Variants in NOC2L observed in about 807,000 individuals in gnomAD.
NOC2L encodes the protein NOC2 like nucleolar associated transcriptional repressor.
A neutral mutation model predicts 94.2 loss-of-function variants in NOC2L; 101 were observed. The observed-to-expected ratio is 1.07, with a 90% CI of 0.91 to 1.26. NOC2L has a LOEUF of 1.26. Among genes scored for constraint, NOC2L ranks in the 50% most tolerant of loss-of-function variants. NOC2L has a pLI of 0.00. For synonymous variants in NOC2L, 531 were observed against 413.4 expected (o/e 1.28, Z -3.45); for missense variants, 1,076 against 980.1 (o/e 1.10, Z -1.31).
Position 950,220 on chromosome 1 carries a change from G to A in NOC2L, c.1443+907C>T, listed in dbSNP as rs576721703. 9.4e-5 allele frequency among the ~76,000 whole-genome samples: 14 copies of A among 148,514 alleles called. No individual in the cohort carries two copies. The East Asian group carries it at 2.0e-3, about 22-fold the overall frequency. ...TACAGGTACACGCACAGGTACACAC[G>A]CACAGTACACACATGCAGATGCAAA... On this transcript the variant is annotated intron_variant, in intron 12 of 18. Coordinates refer to ENST00000327044, the MANE Select transcript of NOC2L (RefSeq NM_015658.4).
At chr1:948,058 C>T in intron 14 of NOC2L, 73 bp downstream of exon 14, 4 of 1,264,318 alleles carry the variant, frequency 3.2e-6, no homozygotes, top group Non-Finnish European at 4.5e-6. Flanking sequence ...GCACCTCCTA[C>T]CAGCCTGGGG....
chr1:944,274 G>T lies in NOC2L; in HGVS notation c.*420C>A. 1.4e-6 allele frequency: 2 copies of T among 1,442,530 alleles called. No homozygotes were observed. Among genetic ancestry groups the T allele is most frequent in the Non-Finnish European group, 1.8e-6 (2 of 1,100,150 alleles). The allele number at this position is 1,442,530 out of a possible 1,614,324, so 89.4% of individuals were successfully genotyped here. On this transcript the variant is annotated 3_prime_UTR_variant, in exon 19 of 19. Coordinates refer to ENST00000327044, the MANE Select transcript of NOC2L (RefSeq NM_015658.4). ...GGATGCAAAACAAAAAATTTTAAAAGAAAATGTGACTTCAAAGGAAAGGAA... is the reference window on the plus strand; with the variant it reads ...GGATGCAAAACAAAAAATTTTAAAATAAAATGTGACTTCAAAGGAAAGGAA...
At chr1:952,710 A>T (rs1557620352) in intron 9 of NOC2L, 110 bp from the exon 10 acceptor site, 1 of 1,102,750 alleles carries the variant, frequency 9.1e-7, no homozygotes. Context: ...CTGGGCCTCG[A>T]GGAAGAGCCG....
Position 945,251 on chromosome 1 carries a change from C to T in NOC2L, c.2054-105G>A, listed in dbSNP as rs867600378. On this transcript the variant is annotated intron_variant, in intron 17 of 18. Transcript: ENST00000327044. ...GCCAGGCTCCCAACACCCTTCCCTC[C>T]GCTGACTTCCAGCAGGTGGAGAGGA... 5.7e-5 allele frequency: 80 copies of T among 1,391,778 alleles called. No individual in the cohort carries two copies. In the Middle Eastern group the frequency reaches 1.5e-3, roughly 26 times the overall value. 86.2% of individuals were successfully genotyped at this position (1,391,778 alleles called of 1,614,324 possible). A position where few individuals can be genotyped will look rare whatever the true frequency, so the allele number is the denominator to read the frequency against.
rs1334537382 is a variant in NOC2L at position 956,033 on chromosome 1, A to G, written c.608-20T>C. ...TGAATGCTGCAACGAAAAGGCCTGG[A>G]TGTACTCACGGGACAGAGAACGCAA... is the stretch of plus-strand genomic sequence containing the variant. On this transcript the variant is annotated intron_variant, in intron 5 of 18. Coordinates refer to ENST00000327044, the MANE Select transcript of NOC2L (RefSeq NM_015658.4). 1.2e-6 allele frequency: 2 copies of G among 1,613,926 alleles called. No homozygotes were observed. Among genetic ancestry groups the G allele is most frequent in the Non-Finnish European group, 1.7e-6 (2 of 1,180,030 alleles).
rs749857767 is a variant in NOC2L, at chr1:946,505, C to G, written c.1700G>C (p.Cys567Ser). ...CCCAAGCAGCTGCTGCACCTGCCGG[C>G]AGTAGTTGGCCACCTTGCACTCCCG... is the stretch of plus-strand genomic sequence containing the variant. ...FLRECKVANY[C>S]RQVQQLLGKV... The change falls in exon 15 of 19, where the codon TGC (cysteine) becomes TCC (serine). Residue 567 changes from cysteine (C) to serine (S), a missense_variant. Physicochemically the swap from Cys to Ser is moderately radical, Grantham distance 112 (BLOSUM62 -1). Coordinates refer to ENST00000327044, the MANE Select transcript of NOC2L (RefSeq NM_015658.4). The G allele has an allele frequency of 3.2e-5, 51 of 1,613,248 alleles. 1 individual carries two copies. In the South Asian group the frequency reaches 5.4e-4, roughly 17 times the overall value.
intron 7 of NOC2L, 48 bp from the exon 8 acceptor site, chr1:953,940 A>T (rs765779138): frequency 8.1e-6 from 13 of 1,607,464 alleles, no homozygotes; most frequent in Non-Finnish European, 1.1e-5. Flanking sequence ...GTATTCTGGG[A>T]TACAAAAAAG....
Position 954,133 on chromosome 1 carries a change from G to A in NOC2L, c.699-51C>T, listed in dbSNP as rs191707067. 244 of 1,571,210 alleles carry A rather than the reference G, an allele frequency of 1.6e-4. No homozygotes were observed. The African/African-American group carries it at 2.7e-3, about 17-fold the overall frequency. On this transcript the variant is annotated intron_variant, in intron 6 of 18. Transcript: ENST00000327044. ...CTGGGAGGCCCCACGGCTCGGACGC[G>A]AGGCTGCTCAGCATGTTGGCGCGTG...
At chr1:948,278 G>C in intron 13 of NOC2L, 46 bp from the exon 14 acceptor site, 4 of 1,469,840 alleles carry the variant, frequency 2.7e-6, no homozygotes, top group Non-Finnish European at 3.7e-6. Context: ...AGAGGCTGGG[G>C]CTGGGCACTC....
Position 952,069 on chromosome 1 carries a change from G to C in NOC2L, c.1262C>G (p.Thr421Ser), listed in dbSNP as rs144009138. ...CTGGAGGGCTTCGCTGGGGCCCGCA[G>C]TGCTCAGGACCCGGCACCACAGGAA... ...CLFLWCRVLS[T>S]AGPSEALQPL... is the part of the protein sequence containing the mutation. Residue 421 changes from threonine (T) to serine (S), a missense_variant, in exon 11 of 19, where the codon ACT becomes AGT. By Grantham distance (58) the Thr-to-Ser change is moderately conservative. Transcript: ENST00000327044. 3.1e-5 allele frequency: 50 copies of C among 1,613,620 alleles called. No individual in the cohort carries two copies. Among genetic ancestry groups the C allele is most frequent in the Non-Finnish European group, 4.2e-5 (49 of 1,179,980 alleles).
chr1:951,321 C>T, intron 11 of NOC2L, 83 bp from the exon 12 acceptor site: 26 of 1,053,474 alleles, frequency 2.5e-5, no homozygotes, highest in Non-Finnish European at 3.7e-5. Context: ...ACCTCCTCCC[C>T]CACTCACCGA....
At chr1:949,845 G>A (rs1038824271) in intron 12 of NOC2L, among the ~76,000 whole-genome samples, 3 of 152,212 alleles carry the variant, frequency 2.0e-5, no homozygotes, top group Non-Finnish European at 4.4e-5. Flanking sequence ...ATCAGAACGT[G>A]CCTGGGGCTT....
intron 12 of NOC2L, among the ~76,000 whole-genome samples, chr1:950,461 G>A (rs1642226017): frequency 6.6e-6 from 1 of 151,560 alleles, no homozygotes; most frequent in South Asian, 2.1e-4. Context: ...ACACGCATGT[G>A]CATGCATACA....
Position 944,757 on chromosome 1 carries a change from C to T in NOC2L, c.2187G>A (p.Leu729=), listed in dbSNP as rs1266253921. 6.9e-6 allele frequency: 11 copies of T among 1,599,756 alleles called. No individual in the cohort carries two copies. Among genetic ancestry groups the T allele is most frequent in the South Asian group, 1.1e-5 (1 of 90,840 alleles). ...CCTCCGGCCCCTGGGCCAGCTGCTG[C>T]AGCTCCCCAGGGGCCAGCCCCGCCT... ...DAEAGLAPGE[L]QQLAQGPEDE... The change falls in exon 19 of 19, where the codon CTG becomes CTA. Residue 729 remains leucine (L), a synonymous_variant. Transcript: ENST00000327044.
At position 953,989 on chromosome 1, in the gene NOC2L, C is replaced by A. The variant is rs1275298676; in HGVS notation, c.777+15G>T. On this transcript the variant is annotated intron_variant, in intron 7 of 18. Transcript: ENST00000327044. The stretch of plus-strand genomic sequence containing the variant: ...ATACAGCCAGGCCCCCGTGCCCTCC[C>A]CACCAGAATAGCACCTGTATGGCCG... 2 of 1,604,024 alleles carry A rather than the reference C, an allele frequency of 1.2e-6. No homozygotes were observed. Among genetic ancestry groups the A allele is most frequent in the Non-Finnish European group, 8.5e-7 (1 of 1,173,934 alleles).
Position 956,807 on chromosome 1 carries a change from C to T in NOC2L, c.486+87G>A, listed in dbSNP as rs1569955154. The T allele has an allele frequency of 2.5e-6, 4 of 1,574,832 alleles. No individual in the cohort carries two copies. The African/African-American group carries it at 4.0e-5, about 16-fold the overall frequency. ...AGATCTCTGCCTGGGCACCCAGCTGCCCGCCCCTCGCTGCTGCTCACCTCA... is the reference window on the plus strand; with the variant it reads ...AGATCTCTGCCTGGGCACCCAGCTGTCCGCCCCTCGCTGCTGCTCACCTCA... On this transcript the variant is annotated intron_variant, in intron 4 of 18. Coordinates refer to ENST00000327044, the MANE Select transcript of NOC2L (RefSeq NM_015658.4).
chr1:947,606 C>A (rs553780492), intron 14 of NOC2L, among the ~76,000 whole-genome samples: 3 of 152,342 alleles, frequency 2.0e-5, no homozygotes, highest in Admixed American at 6.5e-5. Flanking sequence ...CCCAGAAGGA[C>A]CTTCTGAGGA....
At chr1:956,349 G>C in intron 4 of NOC2L, 134 bp from the exon 5 acceptor site, 1 of 942,536 alleles carries the variant, frequency 1.1e-6, no homozygotes, top group African/African-American at 1.7e-5. Context: ...GAGGCACAGA[G>C]CCCCATACTG....
chr1:952,811 C>G (rs540948934), intron 9 of NOC2L, among the ~76,000 whole-genome samples: 1 of 152,340 alleles, frequency 6.6e-6, no homozygotes, highest in South Asian at 2.1e-4. Context: ...CACTGGGCCC[C>G]TCTGGGGGCT....
Sources: allele counts gnomAD v4.1 joint callset (sites outside exome capture counted in the v4.1 genomes callset), GRCh38; gene constraint gnomAD v4.1.1; transcripts MANE v1.5; gene names NCBI Gene and HGNC (gene_info 2026-07-23, HGNC 2026-07-21).